Variants in AGBL4 observed in about 807,000 individuals in gnomAD.
AGBL4 encodes the protein AGBL carboxypeptidase 4.
AGBL4 carries 58 observed loss-of-function variants against 66.4 expected under a neutral mutation model. The observed-to-expected ratio is 0.87, with a 90% CI of 0.71 to 1.09. AGBL4 has a LOEUF of 1.09. Among genes scored for constraint, AGBL4 ranks in the 50% least tolerant of loss-of-function variants. AGBL4 has a pLI of 0.00. For synonymous variants in AGBL4, 234 were observed against 222.9 expected (o/e 1.05, Z -0.44); for missense variants, 579 against 631.0 (o/e 0.92, Z 0.88).
intron 6 of AGBL4, among the ~76,000 whole-genome samples, chr1:48,756,487 G>A (rs1282340009): frequency 1.3e-5 from 2 of 152,156 alleles, no homozygotes; most frequent in Non-Finnish European, 2.9e-5. Flanking sequence ...ACTAGGCTAG[G>A]TCCCTGGCAT....
At chr1:49,664,032 T>C (rs1039525594) in intron 3 of AGBL4, among the ~76,000 whole-genome samples, 10 of 151,904 alleles carry the variant, frequency 6.6e-5, no homozygotes, top group East Asian at 3.9e-4. Context: ...AAAGACATAA[T>C]TGAAGAAAAC....
At chr1:48,767,114 G>A (rs998896523) in intron 6 of AGBL4, among the ~76,000 whole-genome samples, 1 of 152,172 alleles carries the variant, frequency 6.6e-6, no homozygotes, top group Non-Finnish European at 1.5e-5. Context: ...GGAGAGGGTG[G>A]CCCAGTATCT....
chr1:49,774,913 T>C (rs1281858080), intron 2 of AGBL4, among the ~76,000 whole-genome samples: 3 of 152,110 alleles, frequency 2.0e-5, no homozygotes, highest in African/African-American at 7.2e-5. Flanking sequence ...TGCACAAGGA[T>C]AAATACACAA....
chr1:49,590,038 A>G (rs1399370623), intron 3 of AGBL4, among the ~76,000 whole-genome samples: 1 of 152,110 alleles, frequency 6.6e-6, no homozygotes, highest in African/African-American at 2.4e-5. Flanking sequence ...AGTCCATATG[A>G]AAGTCACATA....
intron 5 of AGBL4, among the ~76,000 whole-genome samples, chr1:48,918,185 A>T (rs1048231122): frequency 6.6e-6 from 1 of 152,208 alleles, no homozygotes; most frequent in African/African-American, 2.4e-5. Context: ...AGAGTTAAGC[A>T]GGTCCACTGC....
rs376014495 is a variant in AGBL4 at position 49,097,336 on chromosome 1, A to G, written c.378-51536T>C. Reference sequence around the variant, plus strand: ...GGATAGTCTTAGTGGAAGGGGAGTAAAAAGAGGGCTTCTGAGATAATGGTG... The same window carrying G: ...GGATAGTCTTAGTGGAAGGGGAGTAGAAAGAGGGCTTCTGAGATAATGGTG... On this transcript the variant is annotated intron_variant, in intron 4 of 13. Coordinates refer to ENST00000371839, the MANE Select transcript of AGBL4 (RefSeq NM_032785.4). Among the ~76,000 whole-genome samples the G allele has an allele frequency of 3.4e-4, 52 of 152,358 alleles. 1 individual carries two copies. In the South Asian group the frequency reaches 9.5e-3, roughly 28 times the overall value.
intron 1 of AGBL4, among the ~76,000 whole-genome samples, chr1:49,868,046 A>G (rs1214731970): frequency 1.3e-5 from 2 of 151,508 alleles, no homozygotes; most frequent in Non-Finnish European, 2.9e-5. Flanking sequence ...AGAATAAAAT[A>G]CCTAGGAATA....
intron 5 of AGBL4, among the ~76,000 whole-genome samples, chr1:48,982,961 A>G (rs1659897379): frequency 6.6e-6 from 1 of 152,200 alleles, no homozygotes; most frequent in African/African-American, 2.4e-5. Context: ...CCAACTAAGG[A>G]ATTAAAACAG....
chr1:49,833,901 A>G (rs1011713484), intron 2 of AGBL4, among the ~76,000 whole-genome samples: 5 of 152,058 alleles, frequency 3.3e-5, no homozygotes, highest in South Asian at 2.1e-4. Flanking sequence ...GGGCTGAGAC[A>G]ATGGGGTTTT....
At chr1:48,891,289 T>A (rs2148856137) in intron 5 of AGBL4, among the ~76,000 whole-genome samples, 1 of 152,238 alleles carries the variant, frequency 6.6e-6, no homozygotes, top group African/African-American at 2.4e-5. Context: ...AGGTCAAGAC[T>A]TTTTAGCTTG....
intron 5 of AGBL4, among the ~76,000 whole-genome samples, chr1:48,953,156 C>T (rs899725072): frequency 2.0e-5 from 3 of 152,100 alleles, no homozygotes; most frequent in Non-Finnish European, 4.4e-5. Context: ...AATTGAATCT[C>T]GGTAGCTCAC....
At chr1:49,890,908 T>C (rs902187868) in intron 1 of AGBL4, among the ~76,000 whole-genome samples, 1 of 152,056 alleles carries the variant, frequency 6.6e-6, no homozygotes, top group African/African-American at 2.4e-5. Flanking sequence ...AAATTTGGGG[T>C]TCATCTGGCA....
chr1:49,396,088 T>G (rs188113893), intron 3 of AGBL4, among the ~76,000 whole-genome samples: 1 of 151,610 alleles, frequency 6.6e-6, no homozygotes, highest in African/African-American at 2.4e-5. Context: ...GAGTTACTTT[T>G]TGAGGGATTA....
intron 4 of AGBL4, among the ~76,000 whole-genome samples, chr1:49,212,266 G>A (rs983681077): frequency 6.6e-6 from 1 of 152,108 alleles, no homozygotes; most frequent in Admixed American, 6.6e-5. Context: ...AAAAGAGGAT[G>A]ACAATTAGTA....
intron 4 of AGBL4, among the ~76,000 whole-genome samples, chr1:49,104,555 G>A (rs1034214834): frequency 2.6e-5 from 4 of 152,112 alleles, no homozygotes; most frequent in Non-Finnish European, 4.4e-5. Flanking sequence ...GGGGAGATCA[G>A]ATAATTCAAG....
intron 1 of AGBL4, among the ~76,000 whole-genome samples, chr1:49,913,086 T>C (rs1226388901): frequency 6.6e-6 from 1 of 152,182 alleles, no homozygotes; most frequent in Non-Finnish European, 1.5e-5. Flanking sequence ...ACATACAAAA[T>C]ACATTTATTC....
chr1:49,267,093 C>A (rs927942570), intron 3 of AGBL4, among the ~76,000 whole-genome samples: 1 of 152,162 alleles, frequency 6.6e-6, no homozygotes, highest in Non-Finnish European at 1.5e-5. Context: ...AAGAATATGT[C>A]AAGAACTCTT....
chr1:49,279,307 C>A (rs1644230721), intron 3 of AGBL4, among the ~76,000 whole-genome samples: 1 of 152,024 alleles, frequency 6.6e-6, no homozygotes, highest in African/African-American at 2.4e-5. Context: ...TTAAATTACT[C>A]CAAGGATTAG....
intron 5 of AGBL4, among the ~76,000 whole-genome samples, chr1:49,039,323 G>A (rs1042529836): frequency 6.6e-6 from 1 of 152,072 alleles, no homozygotes; most frequent in East Asian, 1.9e-4. Context: ...GAACTCTAAG[G>A]TAAATGATGG....
Sources: gnomAD v4.1 joint callset for allele counts (sites outside exome capture counted in the v4.1 genomes callset) on GRCh38, gnomAD v4.1.1 for gene constraint, MANE v1.5 for transcripts, NCBI Gene and HGNC (gene_info 2026-07-23, HGNC 2026-07-21) for gene names.